PAM: variants seen among roughly 807,000 people sequenced by gnomAD.
PAM encodes peptidyl-glycine alpha-amidating monooxygenase.
In PAM, 72 loss-of-function variants were observed where a neutral mutation model predicts 122.1. The ratio of observed to expected loss-of-function variants is 0.59; its 90% CI spans 0.49 to 0.72. The LOEUF is 0.72. Among genes scored for constraint, PAM ranks in the 30% least tolerant of loss-of-function variants. The pLI, the probability that PAM is intolerant of heterozygous loss-of-function variation, is 0.00. For synonymous variants in PAM, 389 were observed against 404.4 expected (o/e 0.96, Z 0.46); for missense variants, 1,106 against 1,183.7 (o/e 0.93, Z 0.96).
At position 102,849,213 on chromosome 5, in the gene PAM, T is replaced by C. The variant is rs568563481; in HGVS notation, c.-373-16610T>C. Among the ~76,000 whole-genome samples the C allele has an allele frequency of 2.6e-5, 4 of 152,182 alleles. No homozygotes were observed. The South Asian group carries it at 8.3e-4, about 32-fold the overall frequency. Reference sequence around the variant, plus strand: ...ATCATGGATATAGCTAAAATAAAGATATTCTCAACACGGATCTGGAACCGC... The same window carrying C: ...ATCATGGATATAGCTAAAATAAAGACATTCTCAACACGGATCTGGAACCGC... On this transcript the variant is annotated intron_variant, in intron 1 of 25. Coordinates refer to ENST00000438793, the MANE Select transcript of PAM (RefSeq NM_001177306.2).
intron 3 of PAM, among the ~76,000 whole-genome samples, chr5:102,879,434 C>T (rs1790266482): frequency 6.6e-6 from 1 of 152,232 alleles, no homozygotes; most frequent in African/African-American, 2.4e-5. Flanking sequence ...AAATTGTAAT[C>T]CCCAATGTTG....
chr5:103,017,263 T>G, intron 21 of PAM, 71 bp from the exon 22 acceptor site: 1 of 986,122 alleles, frequency 1.0e-6, no homozygotes, highest in Admixed American at 1.9e-5. Flanking sequence ...CTTTGCTTTG[T>G]TTTTCTGTCT....
At chr5:102,980,917 C>G (rs1035475697) in intron 15 of PAM, among the ~76,000 whole-genome samples, 1 of 152,128 alleles carries the variant, frequency 6.6e-6, no homozygotes, top group Non-Finnish European at 1.5e-5. Flanking sequence ...CCAGGTTGCT[C>G]ATGGTGTTAG....
chr5:102,974,016 A>C (rs577668685), intron 14 of PAM, 100 bp from the exon 15 acceptor site: 1 of 732,588 alleles, frequency 1.4e-6, no homozygotes, highest in African/African-American at 1.8e-5. Flanking sequence ...TCTCTTATTT[A>C]TTATGAGAAA....
chr5:102,977,432 C>G (rs1768043050), intron 15 of PAM, among the ~76,000 whole-genome samples: 1 of 152,066 alleles, frequency 6.6e-6, no homozygotes, highest in Admixed American at 6.6e-5. Context: ...TATTGTATCT[C>G]TAGGAGTACA....
In PAM at chr5:102,865,886, C is replaced by G. The variant is rs249496; in HGVS notation, c.-310C>G. The G allele has an allele frequency of 0.47, 152,818 of 323,888 alleles. 39,423 individuals carry two copies. The highest frequency in any genetic ancestry group is 0.72 in the African/African-American group (32,999 of 45,710). 20.1% of individuals were successfully genotyped at this position (323,888 alleles called of 1,614,324 possible). A position where few individuals can be genotyped will look rare whatever the true frequency, so the allele number is the denominator to read the frequency against. On this transcript the variant is annotated 5_prime_UTR_variant, in exon 2 of 26. Transcript: ENST00000438793. Reference sequence around the variant, plus strand: ...CTCACAGCCCCTGTCATTCCGGAGTCATAAGGCACCCGCGCGTCTAGCCCC... The same window carrying G: ...CTCACAGCCCCTGTCATTCCGGAGTGATAAGGCACCCGCGCGTCTAGCCCC...
intron 1 of PAM, among the ~76,000 whole-genome samples, chr5:102,829,222 A>G (rs1774636221): frequency 6.6e-6 from 1 of 152,194 alleles, no homozygotes; most frequent in African/African-American, 2.4e-5. Context: ...TACAAAATGT[A>G]TTCTCGGTAC....
intron 15 of PAM, among the ~76,000 whole-genome samples, chr5:102,980,961 G>GT (rs969884137): frequency 1.3e-5 from 2 of 152,032 alleles, no homozygotes; most frequent in African/African-American, 4.8e-5. Context: ...CATCTTTACT[G>GT]TTTTGAAAAT....
intron 1 of PAM, among the ~76,000 whole-genome samples, chr5:102,824,833 ACT>A (rs1369136419): frequency 6.6e-6 from 1 of 152,136 alleles, no homozygotes; most frequent in Non-Finnish European, 1.5e-5. Context: ...ATAAGGACTC[ACT>A]CTAAATAAAA....
At chr5:102,972,913 C>T (rs1241482538) in intron 14 of PAM, among the ~76,000 whole-genome samples, 2 of 152,328 alleles carry the variant, frequency 1.3e-5, no homozygotes, top group East Asian at 3.9e-4. Flanking sequence ...TAAACCAAGA[C>T]TATTTGTAAA....
chr5:102,862,250 C>G (rs1784395424), intron 1 of PAM, among the ~76,000 whole-genome samples: 1 of 147,714 alleles, frequency 6.8e-6, no homozygotes, highest in South Asian at 2.1e-4. Flanking sequence ...GGGTGCATAG[C>G]ATTCTGGTTT....
rs547792806 is a variant in PAM at position 102,977,657 on chromosome 5, C to T, written c.1483+3221C>T. On this transcript the variant is annotated intron_variant, in intron 15 of 25. Transcript: ENST00000438793. Reference sequence around the variant, plus strand: ...GCTTCCCAACACACACATGCATGTGCGCACACACACACACACACACACACA... The same window carrying T: ...GCTTCCCAACACACACATGCATGTGTGCACACACACACACACACACACACA... Among the ~76,000 whole-genome samples, 7 of 117,946 alleles carry T rather than the reference C, an allele frequency of 5.9e-5. No individual in the cohort carries two copies. The South Asian group carries it at 1.0e-3, about 17-fold the overall frequency. The allele number at this position is 117,946 out of a possible 152,430, so 77.4% of individuals were successfully genotyped here.
chr5:102,865,283 T>C (rs1042884007), intron 1 of PAM: 5 of 152,226 alleles, frequency 3.3e-5, no homozygotes, highest in Admixed American at 1.3e-4. Context: ...GTAGGAGATA[T>C]CATTCCTCTT....
chr5:103,027,632 C>T (rs980975169), intron 24 of PAM, among the ~76,000 whole-genome samples: 1 of 152,132 alleles, frequency 6.6e-6, no homozygotes, highest in African/African-American at 2.4e-5. Context: ...TGTGCTTTCC[C>T]TTCACTTATG....
intron 1 of PAM, among the ~76,000 whole-genome samples, chr5:102,859,676 A>C (rs1339734297): frequency 1.3e-5 from 2 of 152,210 alleles, no homozygotes. Flanking sequence ...AGTAGTGTAC[A>C]GTAATGTCCT....
At chr5:102,987,607 C>T (rs1234275825) in intron 15 of PAM, 1 of 442,108 alleles carries the variant, frequency 2.3e-6, no homozygotes, top group Non-Finnish European at 4.5e-6. Flanking sequence ...TTTGATCATG[C>T]TTGTATCAAA....
intron 14 of PAM, among the ~76,000 whole-genome samples, chr5:102,964,255 C>T (rs1403279779): frequency 6.6e-6 from 1 of 151,754 alleles, no homozygotes; most frequent in East Asian, 1.9e-4. Context: ...GATGTTTTGC[C>T]AGAATATTAA....
At chr5:102,994,386 T>C (rs1489317156) in intron 16 of PAM, among the ~76,000 whole-genome samples, 2 of 152,210 alleles carry the variant, frequency 1.3e-5, no homozygotes, top group Non-Finnish European at 2.9e-5. Context: ...CCTTATCTTT[T>C]GCAAACTGAA....
chr5:103,005,019 C>G (rs1375279611), intron 17 of PAM, 135 bp from the exon 18 acceptor site: 1 of 596,338 alleles, frequency 1.7e-6, no homozygotes, highest in African/African-American at 1.9e-5. Flanking sequence ...TCATTTTGTT[C>G]TTTTCTATAA....
Sources: allele counts gnomAD v4.1 joint callset (sites outside exome capture counted in the v4.1 genomes callset), GRCh38; gene constraint gnomAD v4.1.1; transcripts MANE v1.5; gene names NCBI Gene and HGNC (gene_info 2026-07-23, HGNC 2026-07-21).